SPOCK3: variants seen among roughly 807,000 people sequenced by gnomAD.
SPOCK3 encodes SPARC (osteonectin), cwcv and kazal like domains proteoglycan 3.
In SPOCK3, 30 loss-of-function variants were observed where a neutral mutation model predicts 56.6. That is an observed-to-expected ratio of 0.53 (90% confidence interval 0.40 to 0.72). The LOEUF (loss-of-function observed/expected upper bound fraction) is 0.72. Ranked by LOEUF, SPOCK3 falls within the 30% of genes least tolerant of loss-of-function variation. The pLI is 0.00. For synonymous variants in SPOCK3, 196 were observed against 183.3 expected (o/e 1.07, Z -0.56); for missense variants, 527 against 530.0 (o/e 0.99, Z 0.06).
rs188448902 is a variant in SPOCK3 at position 167,211,167 on chromosome 4, G to A, written c.189+22818C>T. Among the ~76,000 whole-genome samples the A allele has an allele frequency of 7.2e-5, 11 of 152,202 alleles. No individual in the cohort carries two copies. The South Asian group carries it at 1.0e-3, about 14-fold the overall frequency. The stretch of plus-strand genomic sequence containing the variant: ...AAGATTTGACTGCCCCTTGGATTTC[G>A]GACTTGCGTGCGGCCTGTAGCCCCT... On this transcript the variant is annotated intron_variant, in intron 2 of 10. Coordinates refer to ENST00000357545, the MANE Select transcript of SPOCK3 (RefSeq NM_001040159.2).
intron 2 of SPOCK3, among the ~76,000 whole-genome samples, chr4:167,193,717 T>G (rs1732676533): frequency 1.4e-5 from 2 of 146,014 alleles, no homozygotes; most frequent in Admixed American, 1.4e-4. Context: ...GCCTGCAATG[T>G]TTCTGCTGAG....
At chr4:167,092,795 G>A (rs1228684085) in intron 2 of SPOCK3, among the ~76,000 whole-genome samples, 1 of 152,030 alleles carries the variant, frequency 6.6e-6, no homozygotes, top group Non-Finnish European at 1.5e-5. Context: ...CCATTCAAAG[G>A]CTTGAATGAA....
chr4:166,921,320 T>G (rs551031321), intron 4 of SPOCK3, among the ~76,000 whole-genome samples: 6 of 151,314 alleles, frequency 4.0e-5, no homozygotes, highest in Admixed American at 3.3e-4. Flanking sequence ...AAACATGTGT[T>G]GAATTTTTTT....
chr4:167,032,167 A>T (rs1393322083), intron 3 of SPOCK3, among the ~76,000 whole-genome samples: 1 of 151,986 alleles, frequency 6.6e-6, no homozygotes, highest in Non-Finnish European at 1.5e-5. Flanking sequence ...TCAAGATTTT[A>T]GGGCAGGATT....
chr4:166,874,511 A>G (rs1162647694), intron 6 of SPOCK3, among the ~76,000 whole-genome samples: 3 of 152,186 alleles, frequency 2.0e-5, no homozygotes, highest in African/African-American at 7.2e-5. Context: ...CTTCACAAAT[A>G]CTCAGTGGAT....
intron 6 of SPOCK3, among the ~76,000 whole-genome samples, chr4:166,820,373 T>G (rs935441808): frequency 1.3e-5 from 2 of 152,162 alleles, no homozygotes; most frequent in East Asian, 3.9e-4. Flanking sequence ...AGTACTGGTA[T>G]AGTACAACAG....
At chr4:167,069,459 C>T (rs1756461717) in intron 2 of SPOCK3, among the ~76,000 whole-genome samples, 1 of 151,924 alleles carries the variant, frequency 6.6e-6, no homozygotes, top group Non-Finnish European at 1.5e-5. Flanking sequence ...AAAGTCAGAA[C>T]ATGATATCAT....
intron 4 of SPOCK3, among the ~76,000 whole-genome samples, chr4:166,949,406 G>A (rs1393175213): frequency 6.6e-6 from 1 of 152,124 alleles, no homozygotes; most frequent in African/African-American, 2.4e-5. Flanking sequence ...TTTGGAGGAG[G>A]AGAGGTGCTC....
chr4:167,164,797 C>A (rs1397475379), intron 2 of SPOCK3, among the ~76,000 whole-genome samples: 2 of 152,072 alleles, frequency 1.3e-5, no homozygotes, highest in African/African-American at 4.8e-5. Context: ...ACACAGTATT[C>A]CATGGTGTAT....
At chr4:166,985,553 T>C (rs1579905026) in intron 4 of SPOCK3, among the ~76,000 whole-genome samples, 2 of 152,152 alleles carry the variant, frequency 1.3e-5, no homozygotes, top group African/African-American at 4.8e-5. Flanking sequence ...TGTTAGAATT[T>C]CTTAAATTGA....
At chr4:166,790,523 T>G (rs1741232531) in intron 7 of SPOCK3, among the ~76,000 whole-genome samples, 1 of 152,162 alleles carries the variant, frequency 6.6e-6, no homozygotes, top group South Asian at 2.1e-4. Context: ...GTATACATAA[T>G]CCTGTGGCCC....
At chr4:167,125,870 C>A (rs1377295732) in intron 2 of SPOCK3, among the ~76,000 whole-genome samples, 1 of 152,080 alleles carries the variant, frequency 6.6e-6, no homozygotes, top group Non-Finnish European at 1.5e-5. Flanking sequence ...GGCTTCATTT[C>A]ATGTTCTAAG....
chr4:166,864,326 G>T (rs868831985), intron 6 of SPOCK3, among the ~76,000 whole-genome samples: 2 of 152,142 alleles, frequency 1.3e-5, no homozygotes, highest in Non-Finnish European at 2.9e-5. Flanking sequence ...ATATCAGAAG[G>T]CTGGAAAGAT....
intron 2 of SPOCK3, among the ~76,000 whole-genome samples, chr4:167,091,861 T>G (rs1344342724): frequency 6.6e-6 from 1 of 152,160 alleles, no homozygotes; most frequent in Admixed American, 6.5e-5. Context: ...AATGAAATTA[T>G]GTAAGTTTTT....
chr4:166,845,334 AG>A (rs1747948059), intron 6 of SPOCK3, among the ~76,000 whole-genome samples: 1 of 152,232 alleles, frequency 6.6e-6, no homozygotes, highest in African/African-American at 2.4e-5. Context: ...AATGTAAAAA[AG>A]TGACACTGGG....
In SPOCK3 at chr4:167,132,217, T is replaced by C. The variant is rs915975168; in HGVS notation, c.190-69680A>G. ...GAATTCAACCAATACAAACACAAGA[T>C]ATTTATAAATTTACTTTGCTTAAAT... On this transcript the variant is annotated intron_variant, in intron 2 of 10. Coordinates refer to ENST00000357545, the MANE Select transcript of SPOCK3 (RefSeq NM_001040159.2). 2.2e-4 allele frequency among the ~76,000 whole-genome samples: 33 copies of C among 152,350 alleles called. No individual in the cohort carries two copies. In the East Asian group the frequency reaches 6.4e-3, roughly 29 times the overall value.
Position 167,056,688 on chromosome 4 carries a change from G to A in SPOCK3, c.235+5804C>T, listed in dbSNP as rs1236576816. On this transcript the variant is annotated intron_variant, in intron 3 of 10. Coordinates refer to ENST00000357545, the MANE Select transcript of SPOCK3 (RefSeq NM_001040159.2). ...ATCAACTGGAAGAAAGGGTATCAGT[G>A]ATGGAAGATGAAATGAATGAAATGA... Among the ~76,000 whole-genome samples, 5 of 152,242 alleles carry A rather than the reference G, an allele frequency of 3.3e-5. No individual in the cohort carries two copies. In the East Asian group the frequency reaches 7.7e-4, roughly 23 times the overall value.
chr4:166,895,000 T>C (rs1735218043), intron 5 of SPOCK3, among the ~76,000 whole-genome samples: 1 of 152,126 alleles, frequency 6.6e-6, no homozygotes, highest in African/African-American at 2.4e-5. Context: ...TAATAAATTT[T>C]AAAAATGGAA....
intron 2 of SPOCK3, among the ~76,000 whole-genome samples, chr4:167,191,845 C>T (rs1263003621): frequency 6.9e-6 from 1 of 145,244 alleles, no homozygotes; most frequent in Admixed American, 7.1e-5. Flanking sequence ...AAGTGGTGAT[C>T]CTCTCTTGTT....
Sources: allele counts gnomAD v4.1 joint callset (sites outside exome capture counted in the v4.1 genomes callset), GRCh38; gene constraint gnomAD v4.1.1; transcripts MANE v1.5; gene names NCBI Gene and HGNC (gene_info 2026-07-23, HGNC 2026-07-21).